RAB40C: variants seen among roughly 807,000 people sequenced by gnomAD.
The protein encoded by RAB40C is ras-related protein Rab-40C.
Under a neutral mutation model 28.1 loss-of-function variants are expected in RAB40C, and 8 were observed. The observed-to-expected ratio is 0.28, with a 90% CI of 0.17 to 0.51. The LOEUF (loss-of-function observed/expected upper bound fraction) is 0.51. RAB40C is among the 20% of genes least tolerant of loss of function. The pLI, the probability that RAB40C is intolerant of heterozygous loss-of-function variation, is 0.97. For synonymous variants in RAB40C, 201 were observed against 171.7 expected, an observed-to-expected ratio of 1.17 and a Z score of -1.34; for missense variants, 288 against 405.9, an observed-to-expected ratio of 0.71 and a Z score of 2.50.
intron 1 of RAB40C, among the ~76,000 whole-genome samples, chr16:597,056 C>A (rs1270706149): frequency 6.6e-6 from 1 of 152,110 alleles, no homozygotes; most frequent in African/African-American, 2.4e-5. Context: ...GGCGGAAGAC[C>A]AGGGCACGAC....
chr16:593,083 G>A (rs751758957), intron 1 of RAB40C, among the ~76,000 whole-genome samples: 5 of 152,232 alleles, frequency 3.3e-5, no homozygotes, highest in Admixed American at 3.3e-4. Context: ...CTGTGGCCTC[G>A]AGCAGAGAAG....
At chr16:617,399 T>C in intron 2 of RAB40C, 131 bp downstream of exon 2, 2 of 1,076,256 alleles carry the variant, frequency 1.9e-6, no homozygotes, top group Non-Finnish European at 2.8e-6. Flanking sequence ...ACAGCCCCTG[T>C]TTAAACATAG....
intron 1 of RAB40C, among the ~76,000 whole-genome samples, chr16:603,346 G>A (rs1169101802): frequency 6.6e-6 from 1 of 152,210 alleles, no homozygotes; most frequent in Non-Finnish European, 1.5e-5. Flanking sequence ...TCAGGCAGGC[G>A]CCGGTTTGCC....
intron 1 of RAB40C, among the ~76,000 whole-genome samples, chr16:599,169 A>G (rs902517614): frequency 6.6e-6 from 1 of 152,238 alleles, no homozygotes; most frequent in African/African-American, 2.4e-5. Flanking sequence ...TCACTGCTGC[A>G]GGGGAGGGGA....
At chr16:625,222 C>T (rs1596417913) in intron 3 of RAB40C, 2 of 1,435,786 alleles carry the variant, frequency 1.4e-6, no homozygotes, top group East Asian at 5.6e-5. Flanking sequence ...GGCGCCCACC[C>T]CCCTGCTGCA....
Position 629,191 on chromosome 16 carries a change from CGCT to C in RAB40C, c.*1574_*1576del, listed in dbSNP as rs1277125554. 1 of 234,474 alleles carries C rather than the reference CGCT, an allele frequency of 4.3e-6. No homozygotes were observed. The highest frequency in any genetic ancestry group is 2.2e-5 in the African/African-American group (1 of 44,952). The allele number at this position is 234,474 out of a possible 1,614,324, so 14.5% of individuals were successfully genotyped here. A position where few individuals can be genotyped will look rare whatever the true frequency, so the allele number is the denominator to read the frequency against. On this transcript the variant is annotated 3_prime_UTR_variant, in exon 6 of 6. Coordinates refer to ENST00000248139, the MANE Select transcript of RAB40C (RefSeq NM_021168.5). The stretch of plus-strand genomic sequence containing the variant: ...GCATTCACGGCATCAACACTACCCG[CGCT>C]GCTGTTAGACACTCCGCCATTCCTG...
intron 1 of RAB40C, among the ~76,000 whole-genome samples, chr16:595,020 T>C (rs1193248394): frequency 6.6e-6 from 1 of 152,040 alleles, no homozygotes; most frequent in Non-Finnish European, 1.5e-5. Context: ...GGTTTCACCA[T>C]GTTGGCTAGG....
intron 1 of RAB40C, among the ~76,000 whole-genome samples, chr16:615,589 A>G (rs1329335168): frequency 1.3e-5 from 2 of 152,222 alleles, no homozygotes; most frequent in African/African-American, 4.8e-5. Flanking sequence ...GCCTGCGTTA[A>G]GTGTCCAGAA....
chr16:607,003 A>G (rs2036373234), intron 1 of RAB40C, among the ~76,000 whole-genome samples: 2 of 152,232 alleles, frequency 1.3e-5, no homozygotes, highest in African/African-American at 4.8e-5. Context: ...CAGACAGACT[A>G]CCACCTGAGC....
chr16:609,109 C>T (rs1011124568), intron 1 of RAB40C, among the ~76,000 whole-genome samples: 1 of 152,100 alleles, frequency 6.6e-6, no homozygotes, highest in African/African-American at 2.4e-5. Flanking sequence ...AACGAGACAC[C>T]TTCTCAAAAA....
chr16:599,410 C>G lies in RAB40C; in HGVS notation c.142+8977C>G, dbSNP rs2036202492. ...AGAGGAGCCGCCAGGTCAGCTGATG[C>G]CAGCAGGACCCACTTCACCAGGTCA... On this transcript the variant is annotated intron_variant, in intron 1 of 5. Transcript: ENST00000248139. Among the ~76,000 whole-genome samples the G allele has an allele frequency of 2.6e-5, 4 of 152,358 alleles. No homozygotes were observed. In the South Asian group the frequency reaches 8.3e-4, roughly 32 times the overall value.
chr16:594,142 G>A (rs929013622), intron 1 of RAB40C, among the ~76,000 whole-genome samples: 2 of 152,208 alleles, frequency 1.3e-5, no homozygotes, highest in African/African-American at 4.8e-5. Flanking sequence ...CCTCGGCACC[G>A]TGTCCCCACA....
Position 590,305 on chromosome 16 carries a change from G to A in RAB40C, c.14G>A (p.Gly5Asp). 2 of 1,559,126 alleles carry A rather than the reference G, an allele frequency of 1.3e-6. No homozygotes were observed. Among genetic ancestry groups the A allele is most frequent in the East Asian group, 2.5e-5 (1 of 39,348 alleles). Residue 5 changes from glycine to aspartate, a missense_variant, in exon 1 of 6, where the codon GGC becomes GAC. Transcript: ENST00000248139. The stretch of plus-strand genomic sequence containing the variant: ...GGCGGCGCGGCCATGGGCTCGCAGG[G>A]CAGTCCGGTGAAGAGCTACGACTAC... MGSQ[G>D]SPVKSYDYLL...
chr16:613,489 G>T (rs1354779186), intron 1 of RAB40C, among the ~76,000 whole-genome samples: 1 of 152,276 alleles, frequency 6.6e-6, no homozygotes, highest in African/African-American at 2.4e-5. Flanking sequence ...GGAGGGCCTG[G>T]CTTCTGCACG....
chr16:623,178 C>T (rs535620437), intron 3 of RAB40C, among the ~76,000 whole-genome samples: 4 of 152,340 alleles, frequency 2.6e-5, no homozygotes, highest in South Asian at 2.1e-4. Context: ...GCCCATCAGC[C>T]GGGAGGCGGG....
At chr16:589,448 A>C (rs893429306), upstream of RAB40C, 3 of 152,234 alleles carry the variant, frequency 2.0e-5, no homozygotes, top group Non-Finnish European at 2.9e-5. Context: ...ACTCAGCCGC[A>C]TCGCCTCGGC....
At chr16:618,013 G>A (rs547643041) in intron 2 of RAB40C, among the ~76,000 whole-genome samples, 187 bp from the exon 3 acceptor site, 44 of 152,342 alleles carry the variant, frequency 2.9e-4, no homozygotes, top group African/African-American at 9.9e-4. Flanking sequence ...CTGCCTGCCT[G>A]GCTCAGCGGC....
chr16:617,179 T>A, intron 1 of RAB40C, 29 bp from the exon 2 acceptor site: 2 of 1,611,726 alleles, frequency 1.2e-6, no homozygotes, highest in Non-Finnish European at 1.7e-6. Flanking sequence ...GAGTGGCGCG[T>A]CCCCTCAGCG....
intron 1 of RAB40C, among the ~76,000 whole-genome samples, chr16:594,404 C>G (rs911464047): frequency 6.6e-6 from 1 of 152,100 alleles, no homozygotes; most frequent in African/African-American, 2.4e-5. Flanking sequence ...GATGTTGGGG[C>G]CTGGTGGTCA....
Sources: allele counts gnomAD v4.1 joint callset (sites outside exome capture counted in the v4.1 genomes callset), GRCh38; gene constraint gnomAD v4.1.1; transcripts MANE v1.5; gene names NCBI Gene and HGNC (gene_info 2026-07-23, HGNC 2026-07-21).